The following ERBB4 variants were observed in gnomAD, a reference collection of about 807,000 sequenced individuals.
ERBB4 encodes the protein erb-b2 receptor tyrosine kinase 4, also known as receptor tyrosine-protein kinase erbB-4.
A neutral mutation model predicts 158.0 loss-of-function variants in ERBB4; 42 were observed. The ratio of observed to expected loss-of-function variants is 0.27; its 90% confidence interval spans 0.21 to 0.34. The LOEUF is 0.34. Among genes scored for constraint, ERBB4 ranks in the 10% least tolerant of loss-of-function variants. ERBB4 has a pLI of 1.00. For synonymous variants in ERBB4, 583 were observed against 558.7 expected, an observed-to-expected ratio of 1.04 and a Z score of -0.61; for missense variants, 1,333 against 1,624.1, an observed-to-expected ratio of 0.82 and a Z score of 3.08.
At position 211,380,899 on chromosome 2, in the gene ERBB4, A is replaced by G. The variant is rs1342958171; in HGVS notation, c.*2716T>C. The G allele has an allele frequency of 4.3e-6, 1 of 231,984 alleles. No homozygotes were observed. The highest frequency in any genetic ancestry group is 2.2e-5 in the African/African-American group (1 of 45,258). 14.4% of individuals were successfully genotyped at this position (231,984 alleles called of 1,614,324 possible). A position where few individuals can be genotyped will look rare whatever the true frequency, so the allele number is the denominator to read the frequency against. ...ATTTTTTCCTTCTCCAAAATGAGTG[A>G]TTCTGCTTTCTATAGCCCAGTAGAA... On this transcript the variant is annotated 3_prime_UTR_variant, in exon 28 of 28. Transcript: ENST00000342788.
chr2:212,035,415 A>C (rs1028040318), intron 2 of ERBB4, among the ~76,000 whole-genome samples: 7 of 152,090 alleles, frequency 4.6e-5, no homozygotes, highest in African/African-American at 1.7e-4. Context: ...CCCTCCACCC[A>C]CTTCTAACTA....
intron 3 of ERBB4, among the ~76,000 whole-genome samples, chr2:211,793,224 A>G (rs1206945938): frequency 6.6e-6 from 1 of 151,902 alleles, no homozygotes; most frequent in Non-Finnish European, 1.5e-5. Context: ...TATATGATCG[A>G]TATTATCAGT....
At chr2:212,289,660 T>C (rs2086132549) in intron 1 of ERBB4, among the ~76,000 whole-genome samples, 1 of 152,160 alleles carries the variant, frequency 6.6e-6, no homozygotes, top group African/African-American at 2.4e-5. Context: ...TATGAGTATC[T>C]GAGGGCAGAA....
chr2:212,076,248 A>G (rs1484996338), intron 2 of ERBB4, among the ~76,000 whole-genome samples: 1 of 151,832 alleles, frequency 6.6e-6, no homozygotes, highest in Non-Finnish European at 1.5e-5. Flanking sequence ...TATATTTCGG[A>G]CTTTAATTAC....
intron 25 of ERBB4, among the ~76,000 whole-genome samples, chr2:211,398,801 A>G (rs2062974547): frequency 6.6e-6 from 1 of 152,218 alleles, no homozygotes; most frequent in Non-Finnish European, 1.5e-5. Flanking sequence ...ACTGCACTCC[A>G]GCCTGGGCGA....
At chr2:212,056,863 G>T (rs1281986742) in intron 2 of ERBB4, among the ~76,000 whole-genome samples, 1 of 152,130 alleles carries the variant, frequency 6.6e-6, no homozygotes, top group Admixed American at 6.6e-5. Flanking sequence ...GGAAGAAATG[G>T]CATCAACTAA....
At chr2:211,887,404 C>A (rs1324509556) in intron 3 of ERBB4, among the ~76,000 whole-genome samples, 1 of 151,998 alleles carries the variant, frequency 6.6e-6, no homozygotes, top group African/African-American at 2.4e-5. Flanking sequence ...ACACAGTTAA[C>A]CCAGTCCATG....
chr2:212,225,651 T>C (rs995193658), intron 1 of ERBB4, among the ~76,000 whole-genome samples: 11 of 151,344 alleles, frequency 7.3e-5, no homozygotes, highest in African/African-American at 2.7e-4. Context: ...ATATATTATA[T>C]CACATAAAAT....
At chr2:212,229,762 T>C (rs1028572837) in intron 1 of ERBB4, among the ~76,000 whole-genome samples, 56 of 152,300 alleles carry the variant, frequency 3.7e-4, no homozygotes, top group African/African-American at 1.3e-3. Flanking sequence ...AGAGACTTGC[T>C]ATATGTATTA....
intron 7 of ERBB4, among the ~76,000 whole-genome samples, chr2:211,721,319 G>C (rs2106117786): frequency 6.6e-6 from 1 of 151,996 alleles, no homozygotes; most frequent in South Asian, 2.1e-4. Context: ...CATACACAAA[G>C]TGAAGTAAGT....
intron 2 of ERBB4, among the ~76,000 whole-genome samples, chr2:212,041,079 T>A (rs1422074527): frequency 6.6e-6 from 1 of 152,080 alleles, no homozygotes; most frequent in Non-Finnish European, 1.5e-5. Flanking sequence ...CCAAGTTACT[T>A]AACCTCTCTG....
intron 1 of ERBB4, among the ~76,000 whole-genome samples, chr2:212,292,659 C>T (rs765871724): frequency 5.3e-5 from 8 of 151,964 alleles, no homozygotes; most frequent in Admixed American, 2.6e-4. Flanking sequence ...GCAAACAGTT[C>T]AGATTGTTGA....
intron 1 of ERBB4, among the ~76,000 whole-genome samples, chr2:212,508,617 C>G (rs536812189): frequency 4.6e-5 from 7 of 152,142 alleles, no homozygotes; most frequent in African/African-American, 1.7e-4. Context: ...AGAACACAAG[C>G]CTACCTTAAA....
intron 1 of ERBB4, among the ~76,000 whole-genome samples, chr2:212,266,797 G>T (rs2085152155): frequency 6.6e-6 from 1 of 151,840 alleles, no homozygotes; most frequent in Non-Finnish European, 1.5e-5. Context: ...AATTAAAGCT[G>T]ATTATAAATT....
At chr2:211,706,113 T>C (rs1166478002) in intron 9 of ERBB4, among the ~76,000 whole-genome samples, 1 of 152,160 alleles carries the variant, frequency 6.6e-6, no homozygotes, top group Non-Finnish European at 1.5e-5. Flanking sequence ...CATTTCATAC[T>C]ATCCTAGGTA....
At position 211,383,010 on chromosome 2, in the gene ERBB4, T is replaced by G. The variant is rs564996263; in HGVS notation, c.*605A>C. The G allele has an allele frequency of 8.6e-6, 2 of 232,360 alleles. No individual in the cohort carries two copies. Among genetic ancestry groups the G allele is most frequent in the African/African-American group, 2.2e-5 (1 of 45,352 alleles). The allele number at this position is 232,360 out of a possible 1,614,324, so 14.4% of individuals were successfully genotyped here. On this transcript the variant is annotated 3_prime_UTR_variant, in exon 28 of 28. Transcript: ENST00000342788. ...GAAAACATAATTACTAGTTATAACT[T>G]TAATGGAGATTTTTAAATTATGAAA...
intron 25 of ERBB4, among the ~76,000 whole-genome samples, chr2:211,388,951 A>T (rs2062743459): frequency 6.6e-6 from 1 of 152,212 alleles, no homozygotes; most frequent in African/African-American, 2.4e-5. Flanking sequence ...GCTTGATTTT[A>T]TGAAGCTTAT....
intron 2 of ERBB4, among the ~76,000 whole-genome samples, chr2:212,111,512 A>G (rs2079404607): frequency 6.6e-6 from 1 of 152,008 alleles, no homozygotes; most frequent in African/African-American, 2.4e-5. Flanking sequence ...CTTTCCCCCT[A>G]TGCTATGGTA....
chr2:211,427,994 T>G (rs1409059011), intron 22 of ERBB4, among the ~76,000 whole-genome samples: 3 of 150,660 alleles, frequency 2.0e-5, no homozygotes, highest in Non-Finnish European at 4.4e-5. Flanking sequence ...GAATATTTTG[T>G]TGCTCTTCAA....
Sources: allele counts gnomAD v4.1 joint callset (sites outside exome capture counted in the v4.1 genomes callset), GRCh38; gene constraint gnomAD v4.1.1; transcripts MANE v1.5; gene names NCBI Gene and HGNC (gene_info 2026-07-23, HGNC 2026-07-21).